Variants in BRAF observed in about 807,000 individuals in gnomAD.
BRAF encodes the protein serine/threonine-protein kinase B-raf.
BRAF carries 16 observed loss-of-function variants against 104.6 expected under a neutral mutation model. The observed-to-expected ratio is 0.15, with a 90% CI of 0.10 to 0.23. The LOEUF (loss-of-function observed/expected upper bound fraction) is 0.23. BRAF is among the 10% of genes least tolerant of loss of function. The pLI is 1.00. For synonymous variants in BRAF, 310 were observed against 341.6 expected (o/e 0.91, Z 1.02); for missense variants, 541 against 937.3 (o/e 0.58, Z 5.52).
At position 140,720,057 on chromosome 7, in the gene BRAF, CTTGGTCTAAACCAAAGAGCA is replaced by C. The variant is rs1279675930; in HGVS notation, c.*6417_*6436del. On this transcript the variant is annotated 3_prime_UTR_variant, in exon 20 of 20. Transcript: ENST00000644969. ...CATGAAAAGGGGGGATTTCCTTTTT[CTTGGTCTAAACCAAAGAGCA>C]ATGACAACTACTGAATAAAATTCAG... 1 of 1,060,880 alleles carries C rather than the reference CTTGGTCTAAACCAAAGAGCA, an allele frequency of 9.4e-7. No homozygotes were observed. The highest frequency in any genetic ancestry group is 1.6e-5 in the African/African-American group (1 of 60,826). 65.7% of individuals were successfully genotyped at this position (1,060,880 alleles called of 1,614,324 possible).
intron 3 of BRAF, among the ~76,000 whole-genome samples, chr7:140,815,213 C>A (rs1171085408): frequency 6.6e-6 from 1 of 151,546 alleles, no homozygotes; most frequent in African/African-American, 2.4e-5. Context: ...TCTCAGCTCA[C>A]TGCAAGCTCC....
chr7:140,739,954 G>T lies in BRAF; in HGVS notation c.2113-8C>A. The T allele has an allele frequency of 6.2e-7, 1 of 1,608,078 alleles. No individual in the cohort carries two copies. Among genetic ancestry groups the T allele is most frequent in the Non-Finnish European group, 8.5e-7 (1 of 1,177,964 alleles). On this transcript the variant is annotated splice_polypyrimidine_tract_variant and splice_region_variant and intron_variant, in intron 17 of 19. Coordinates refer to ENST00000644969, the MANE Select transcript of BRAF (RefSeq NM_001374258.1). ...TCCCACCATAAAAATTATCTGGAGA[G>T]AGAAAAAAAAGGGAAATAATTCAAC...
chr7:140,720,809 A>G lies in BRAF; in HGVS notation c.*5685T>C. 1.9e-6 allele frequency: 2 copies of G among 1,066,146 alleles called. No individual in the cohort carries two copies. Among genetic ancestry groups the G allele is most frequent in the East Asian group, 5.0e-5 (1 of 20,182 alleles). 66.0% of individuals were successfully genotyped at this position (1,066,146 alleles called of 1,614,324 possible). A position where few individuals can be genotyped will look rare whatever the true frequency, so the allele number is the denominator to read the frequency against. On this transcript the variant is annotated 3_prime_UTR_variant, in exon 20 of 20. Transcript: ENST00000644969. ...ACTTAACACAAAAATGCAACGCAGT[A>G]ATTTTCAAAACAAAACCAGGACTAA...
At chr7:140,896,888 G>C (rs575020847) in intron 1 of BRAF, among the ~76,000 whole-genome samples, 9 of 147,802 alleles carry the variant, frequency 6.1e-5, no homozygotes, top group African/African-American at 7.5e-5. Context: ...AAAAAGGGGT[G>C]GGGGGGGAAG....
At chr7:140,893,934 C>A (rs1814569510) in intron 1 of BRAF, among the ~76,000 whole-genome samples, 1 of 152,154 alleles carries the variant, frequency 6.6e-6, no homozygotes, top group Non-Finnish European at 1.5e-5. Flanking sequence ...GAATTTGAGA[C>A]CAGCCTGGTC....
At chr7:140,747,499 T>C in intron 17 of BRAF, 1 of 851,200 alleles carries the variant, frequency 1.2e-6, no homozygotes, top group East Asian at 6.4e-5. Context: ...CTTTTATCTG[T>C]ATTTTGGAGA....
chr7:140,912,169 T>A (rs1246092786), intron 1 of BRAF, among the ~76,000 whole-genome samples: 1 of 151,946 alleles, frequency 6.6e-6, no homozygotes, highest in East Asian at 1.9e-4. Context: ...GGAAAAAAAA[T>A]TGCCCATTAA....
At chr7:140,770,067 G>C (rs576360149) in intron 14 of BRAF, among the ~76,000 whole-genome samples, 11 of 152,294 alleles carry the variant, frequency 7.2e-5, no homozygotes, top group African/African-American at 2.6e-4. Context: ...ATGAACATTT[G>C]ATCTTATCAG....
intron 1 of BRAF, among the ~76,000 whole-genome samples, chr7:140,853,177 G>T (rs572210910): frequency 1.3e-5 from 2 of 150,910 alleles, no homozygotes; most frequent in Non-Finnish European, 2.9e-5. Flanking sequence ...GGGAGGCTGA[G>T]ACGGGAGGAT....
chr7:140,853,220 A>G (rs1809383704), intron 1 of BRAF, among the ~76,000 whole-genome samples: 1 of 147,398 alleles, frequency 6.8e-6, no homozygotes, highest in Non-Finnish European at 1.5e-5. Flanking sequence ...TCTACAAAAA[A>G]AAAAGAAAAA....
At chr7:140,748,451 T>C (rs886477225) in intron 17 of BRAF, among the ~76,000 whole-genome samples, 7 of 152,134 alleles carry the variant, frequency 4.6e-5, no homozygotes, top group Non-Finnish European at 7.4e-5. Context: ...TGCTCCAGTT[T>C]CTCCATTTTT....
At chr7:140,784,632 C>T (rs954752880) in intron 10 of BRAF, among the ~76,000 whole-genome samples, 1 of 151,826 alleles carries the variant, frequency 6.6e-6, no homozygotes, top group Non-Finnish European at 1.5e-5. Context: ...TAGAGAAAGA[C>T]ATCTGTCCCA....
chr7:140,781,727 C>T, intron 11 of BRAF, 34 bp from the exon 11 acceptor site: 1 of 1,560,286 alleles, frequency 6.4e-7, no homozygotes, highest in Non-Finnish European at 8.8e-7. Context: ...CAAGTCAAGC[C>T]AAACAGAAAA....
chr7:140,807,207 G>C (rs763635352), intron 5 of BRAF, among the ~76,000 whole-genome samples: 1 of 152,096 alleles, frequency 6.6e-6, no homozygotes, highest in Non-Finnish European at 1.5e-5. Context: ...AAGCCTCATG[G>C]AGAGTTTAAT....
chr7:140,819,178 C>T (rs1805206541), intron 3 of BRAF, among the ~76,000 whole-genome samples: 1 of 152,186 alleles, frequency 6.6e-6, no homozygotes, highest in South Asian at 2.1e-4. Context: ...CTTCTCGTCT[C>T]AGGTCATTGG....
chr7:140,734,086 A>G (rs1796187576), intron 19 of BRAF: 3 of 1,034,536 alleles, frequency 2.9e-6, no homozygotes, highest in Non-Finnish European at 3.5e-6. Context: ...TTATAAAAAG[A>G]AATAGTTATA....
At chr7:140,755,076 C>G (rs910542657) in intron 14 of BRAF, among the ~76,000 whole-genome samples, 12 of 152,102 alleles carry the variant, frequency 7.9e-5, no homozygotes, top group Non-Finnish European at 1.6e-4. Context: ...TGTAGTGGCA[C>G]GACCTTGGCT....
intron 18 of BRAF, among the ~76,000 whole-genome samples, chr7:140,739,402 GTTT>G (rs1310279674): frequency 2.0e-5 from 3 of 150,078 alleles, no homozygotes; most frequent in Non-Finnish European, 4.4e-5. Flanking sequence ...TAATAGAACT[GTTT>G]TTTTCTAAAT....
intron 2 of BRAF, among the ~76,000 whole-genome samples, chr7:140,839,583 G>C (rs1480261919): frequency 6.6e-6 from 1 of 151,902 alleles, no homozygotes; most frequent in Non-Finnish European, 1.5e-5. Flanking sequence ...TATGAAACTT[G>C]GCTGGGCATG....
Sources: allele counts gnomAD v4.1 joint callset (sites outside exome capture counted in the v4.1 genomes callset), GRCh38; gene constraint gnomAD v4.1.1; transcripts MANE v1.5; gene names NCBI Gene and HGNC (gene_info 2026-07-23, HGNC 2026-07-21).